Variants in RNF157 observed in about 807,000 individuals in gnomAD.
RNF157 encodes the protein ring finger protein 157, also known as E3 ubiquitin ligase RNF157.
Under a neutral mutation model 88.3 loss-of-function variants are expected in RNF157, and 55 were observed. The observed-to-expected ratio is 0.62, with a 90% CI of 0.50 to 0.78. The LOEUF (loss-of-function observed/expected upper bound fraction) is 0.78. Among genes scored for constraint, RNF157 ranks in the 30% least tolerant of loss-of-function variants. RNF157 has a pLI of 0.00. For synonymous variants in RNF157, 334 were observed against 341.2 expected (o/e 0.98, Z 0.23); for missense variants, 788 against 860.8 (o/e 0.92, Z 1.06).
chr17:76,149,646 C>T (rs979247065), intron 18 of RNF157, among the ~76,000 whole-genome samples: 2 of 152,176 alleles, frequency 1.3e-5, no homozygotes, highest in African/African-American at 4.8e-5. Flanking sequence ...ACACATTCTG[C>T]CTAGAGAGAC....
rs538447464 is a variant in RNF157 at position 76,210,047 on chromosome 17, C to T, written c.207+2317G>A. 6.6e-5 allele frequency among the ~76,000 whole-genome samples: 10 copies of T among 152,126 alleles called. No individual in the cohort carries two copies. The East Asian group carries it at 9.7e-4, about 15-fold the overall frequency. On this transcript the variant is annotated intron_variant, in intron 2 of 18. Transcript: ENST00000269391. ...TGCTGGGATTACAGACATGAGTCACCGTGCCCAGCAGAAAGGGCTACTTTC... is the reference window on the plus strand; with the variant it reads ...TGCTGGGATTACAGACATGAGTCACTGTGCCCAGCAGAAAGGGCTACTTTC...
At chr17:76,227,194 C>T (rs956505770) in intron 1 of RNF157, among the ~76,000 whole-genome samples, 2 of 149,812 alleles carry the variant, frequency 1.3e-5, no homozygotes, top group Non-Finnish European at 3.0e-5. Flanking sequence ...GATCTTGGCT[C>T]ACTGCAACCT....
chr17:76,143,023 A>G lies in RNF157; in HGVS notation c.*2212T>C, dbSNP rs2068537072. The G allele has an allele frequency of 6.6e-6, 1 of 152,236 alleles. No homozygotes were observed. Among genetic ancestry groups the G allele is most frequent in the African/African-American group, 2.4e-5 (1 of 41,424 alleles). 9.4% of individuals were successfully genotyped at this position (152,236 alleles called of 1,614,324 possible). On this transcript the variant is annotated 3_prime_UTR_variant, in exon 19 of 19. Coordinates refer to ENST00000269391, the MANE Select transcript of RNF157 (RefSeq NM_052916.3). ...ACTGGGGCAAAAGGGTTGGCCACTG[A>G]CCTGTCCTCATCAGGCTGACTGAGG...
intron 2 of RNF157, among the ~76,000 whole-genome samples, chr17:76,204,594 A>G (rs1290152471): frequency 6.6e-6 from 1 of 152,186 alleles, no homozygotes; most frequent in East Asian, 1.9e-4. Flanking sequence ...AAAGCTCTAT[A>G]AGTGCAAAAC....
chr17:76,154,293 G>A lies in RNF157; in HGVS notation c.1800C>T (p.Pro600=). ...CAGATCTTTTACCACCTTCCTGCGT[G>A]GGTGATCCATCCTCTTCCTCTATAA... is the stretch of plus-strand genomic sequence containing the variant. ...NDVIEEEDGS[P]TQEGQRTCAF... Residue 600 remains proline (P), a synonymous_variant, in exon 17 of 19, where the codon CCC becomes CCT. Transcript: ENST00000269391. The A allele has an allele frequency of 6.2e-7, 1 of 1,610,998 alleles. No individual in the cohort carries two copies.
At position 76,143,170 on chromosome 17, in the gene RNF157, C is replaced by G. The variant is rs2068539006; in HGVS notation, c.*2065G>C. On this transcript the variant is annotated 3_prime_UTR_variant, in exon 19 of 19. Transcript: ENST00000269391. ...GAAACAAGTAAAGGACATTTCTAAC[C>G]TAGGTATGCCTTGGACATGGGACTG... is the stretch of plus-strand genomic sequence containing the variant. 1 of 152,248 alleles carries G rather than the reference C, an allele frequency of 6.6e-6. No individual in the cohort carries two copies. Among genetic ancestry groups the G allele is most frequent in the Non-Finnish European group, 1.5e-5 (1 of 68,072 alleles). The allele number at this position is 152,248 out of a possible 1,614,324, so 9.4% of individuals were successfully genotyped here. A position where few individuals can be genotyped will look rare whatever the true frequency, so the allele number is the denominator to read the frequency against.
At position 76,173,285 on chromosome 17, in the gene RNF157, CA is replaced by C. The variant is rs764689805; in HGVS notation, c.296+416del. ...TGGGTGACAGAGCGAGACTCCGTCT[CA>C]AAAAAAAAAAGAAAAGAAAAAGAAA... On this transcript the variant is annotated intron_variant, in intron 3 of 18. Coordinates refer to ENST00000269391, the MANE Select transcript of RNF157 (RefSeq NM_052916.3). Among the ~76,000 whole-genome samples, 148 of 129,278 alleles carry C rather than the reference CA, an allele frequency of 1.1e-3. 2 individuals are homozygous for C. The South Asian group carries it at 0.021, about 19-fold the overall frequency. The allele number at this position is 129,278 out of a possible 152,430, so 84.8% of individuals were successfully genotyped here. A position where few individuals can be genotyped will look rare whatever the true frequency, so the allele number is the denominator to read the frequency against.
At chr17:76,210,228 C>A (rs2069759023) in intron 2 of RNF157, among the ~76,000 whole-genome samples, 1 of 152,082 alleles carries the variant, frequency 6.6e-6, no homozygotes, top group Non-Finnish European at 1.5e-5. Flanking sequence ...TAACTTGAAG[C>A]AGACAAGATT....
chr17:76,230,052 A>G (rs898026977), intron 1 of RNF157, among the ~76,000 whole-genome samples: 3 of 152,192 alleles, frequency 2.0e-5, no homozygotes, highest in African/African-American at 7.2e-5. Flanking sequence ...TATTCTGAAT[A>G]TATCATGTGA....
In RNF157 at chr17:76,173,763, C is replaced by G; in HGVS notation, c.235G>C (p.Glu79Gln). 1 of 1,610,912 alleles carries G rather than the reference C, an allele frequency of 6.2e-7. No individual in the cohort carries two copies. The highest frequency in any genetic ancestry group is 8.5e-7 in the Non-Finnish European group (1 of 1,178,266). ...AGGCTTCTCAGAGTCTTCACGGGTT[C>G]TTGGGGAGGTGGGGCGGCGTAAGGA... is the stretch of plus-strand genomic sequence containing the variant. ...VFPYAAPPPQEPVKTLRSLVN... is the reference protein window; with the variant it reads ...VFPYAAPPPQQPVKTLRSLVN... Residue 79 changes from glutamate to glutamine, a missense_variant, in exon 3 of 19, where the codon GAA becomes CAA. Physicochemically the swap from Glu to Gln is conservative, Grantham distance 29. Transcript: ENST00000269391.
At chr17:76,187,132 G>A (rs2069305231) in intron 2 of RNF157, among the ~76,000 whole-genome samples, 2 of 151,820 alleles carry the variant, frequency 1.3e-5, no homozygotes, top group African/African-American at 4.8e-5. Context: ...TACAGCCCTG[G>A]GAAGAAAGTC....
At chr17:76,230,795 G>A (rs1279067453) in intron 1 of RNF157, among the ~76,000 whole-genome samples, 4 of 128,370 alleles carry the variant, frequency 3.1e-5, no homozygotes, top group Admixed American at 9.5e-5. Context: ...CCAGGATCAC[G>A]CTATTGTACT....
rs759300142 is a variant in RNF157 at position 76,161,698 on chromosome 17, T to C, written c.953-51A>G. 1.9e-6 allele frequency: 3 copies of C among 1,558,568 alleles called. No individual in the cohort carries two copies. Among genetic ancestry groups the C allele is most frequent in the Non-Finnish European group, 2.6e-6 (3 of 1,136,542 alleles). ...GGACATCCTGATACAGGATTAAGAA[T>C]GAACAAGAGCCCAGACAGAAACCAT... On this transcript the variant is annotated intron_variant, in intron 10 of 18. Coordinates refer to ENST00000269391, the MANE Select transcript of RNF157 (RefSeq NM_052916.3). The surrounding 1 kb of genome is among the most constrained non-coding windows in gnomAD (Gnocchi z 4.6).
chr17:76,223,288 A>G (rs1349567267), intron 1 of RNF157, among the ~76,000 whole-genome samples: 1 of 150,968 alleles, frequency 6.6e-6, no homozygotes, highest in Non-Finnish European at 1.5e-5. Context: ...CCCAGGTTCA[A>G]GTGATTCTTC....
Position 76,168,162 on chromosome 17 carries a change from C to T in RNF157, c.297-365G>A, listed in dbSNP as rs1350771117. Among the ~76,000 whole-genome samples the T allele has an allele frequency of 4.6e-5, 7 of 152,280 alleles. 1 individual carries two copies. The East Asian group carries it at 1.3e-3, about 29-fold the overall frequency. On this transcript the variant is annotated intron_variant, in intron 3 of 18. Transcript: ENST00000269391. ...TAGTGATCATTTTGGCATTTACCCA[C>T]GTTTCTAAAAAATATACTTGGGTTA...
chr17:76,225,444 G>C (rs150300311), intron 1 of RNF157, among the ~76,000 whole-genome samples: 118 of 152,218 alleles, frequency 7.8e-4, no homozygotes, highest in African/African-American at 2.8e-3. Flanking sequence ...TCACAATTGG[G>C]TGTGGCCTTC....
At position 76,161,956 on chromosome 17, in the gene RNF157, C is replaced by G. The variant is rs2068852542; in HGVS notation, c.839G>C (p.Cys280Ser). Reference sequence around the variant, plus strand: ...CAAGGTGTCCCGGACATCCGAGAGACACACCACACACTCGGCACTGTTATC... The same window carrying G: ...CAAGGTGTCCCGGACATCCGAGAGAGACACCACACACTCGGCACTGTTATC... ...VSDNSAECVV[C>S]LSDVRDTLIL... Residue 280 changes from cysteine to serine, a missense_variant, in exon 10 of 19, where the codon TGT becomes TCT. Cys to Ser is a moderately radical substitution (Grantham distance 112). Transcript: ENST00000269391. The surrounding 1 kb of genome is among the most constrained non-coding windows in gnomAD (Gnocchi z 4.6). 1.2e-6 allele frequency: 2 copies of G among 1,614,094 alleles called. No individual in the cohort carries two copies. The highest frequency in any genetic ancestry group is 1.7e-6 in the Non-Finnish European group (2 of 1,180,042).
rs2068584129 is a variant in RNF157, at chr17:76,146,273, G to A, written c.1922-920C>T. On this transcript the variant is annotated intron_variant, in intron 18 of 18. Coordinates refer to ENST00000269391, the MANE Select transcript of RNF157 (RefSeq NM_052916.3). This position sits in a 1 kb window ranked among gnomAD's most constrained non-coding sequence, Gnocchi z 4.2. ...TGGGCCTTGGTTTTCTCACCCATCA[G>A]ATGGGACATGCGTACTGACCTCACG... The A allele has an allele frequency of 1.1e-6, 1 of 881,444 alleles. No homozygotes were observed. Among genetic ancestry groups the A allele is most frequent in the Non-Finnish European group, 1.4e-6 (1 of 734,912 alleles). The allele number at this position is 881,444 out of a possible 1,614,324, so 54.6% of individuals were successfully genotyped here.
intron 13 of RNF157, chr17:76,156,591 C>T (rs901890277): frequency 1.4e-5 from 13 of 926,492 alleles, no homozygotes; most frequent in Admixed American, 6.2e-5. Flanking sequence ...GACTGCAGCT[C>T]GGGTGACACA....
Sources: gnomAD v4.1 joint callset for allele counts (sites outside exome capture counted in the v4.1 genomes callset) on GRCh38, gnomAD v4.1.1 for gene constraint, Gnocchi (gnomAD v3.1) non-coding constraint, MANE v1.5 for transcripts, NCBI Gene and HGNC (gene_info 2026-07-23, HGNC 2026-07-21) for gene names.